ATP8A1: variants seen among roughly 807,000 people sequenced by gnomAD.
The protein encoded by ATP8A1 is phospholipid-transporting ATPase IA.
In ATP8A1, 90 loss-of-function variants were observed where a neutral mutation model predicts 177.7. The observed-to-expected ratio is 0.51, with a 90% CI of 0.43 to 0.60. The LOEUF (loss-of-function observed/expected upper bound fraction) is 0.60. Among genes scored for constraint, ATP8A1 ranks in the 20% least tolerant of loss-of-function variants. ATP8A1 has a pLI of 0.00. For synonymous variants in ATP8A1, 493 were observed against 485.9 expected, an observed-to-expected ratio of 1.01 and a Z score of -0.19; for missense variants, 1,072 against 1,392.8, an observed-to-expected ratio of 0.77 and a Z score of 3.67.
intron 25 of ATP8A1, among the ~76,000 whole-genome samples, chr4:42,465,356 C>T (rs946455987): frequency 3.9e-5 from 6 of 152,226 alleles, no homozygotes; most frequent in African/African-American, 1.4e-4. Context: ...AATGCCTTTA[C>T]TTCCTAACAA....
chr4:42,433,543 G>T (rs1366789045), intron 33 of ATP8A1, among the ~76,000 whole-genome samples: 5 of 152,100 alleles, frequency 3.3e-5, no homozygotes, highest in Non-Finnish European at 7.4e-5. Flanking sequence ...TAACTAAAGG[G>T]TGTTTCAGAT....
chr4:42,419,962 C>G (rs1437785032), intron 35 of ATP8A1, among the ~76,000 whole-genome samples: 1 of 151,674 alleles, frequency 6.6e-6, no homozygotes, highest in African/African-American at 2.4e-5. Context: ...GAGATTGTGC[C>G]ATTGCACTCC....
At chr4:42,654,460 TA>T (rs1262930283) in intron 1 of ATP8A1, among the ~76,000 whole-genome samples, 1 of 152,164 alleles carries the variant, frequency 6.6e-6, no homozygotes, top group East Asian at 1.9e-4. Flanking sequence ...ACTAGGGCTA[TA>T]AAATTCGGGA....
intron 4 of ATP8A1, among the ~76,000 whole-genome samples, chr4:42,617,758 A>C (rs17532602): frequency 0.23 from 34,392 of 152,162 alleles, 4,352 homozygotes; most frequent in Non-Finnish European, 0.29. Context: ...AGGCGATCTT[A>C]AACATCACTT....
intron 35 of ATP8A1, among the ~76,000 whole-genome samples, chr4:42,416,079 A>T (rs1047612623): frequency 5.9e-5 from 9 of 152,240 alleles, no homozygotes; most frequent in African/African-American, 2.2e-4. Context: ...CTGTCAGTGA[A>T]ATAAACAGAT....
At position 42,435,426 on chromosome 4, in the gene ATP8A1, CAA is replaced by C. The variant is rs55945370; in HGVS notation, c.3123+8137_3123+8138del. Reference sequence around the variant, plus strand: ...GGGGGACAAGAGCGAGACTTCATCTCAAAAAAAAAAAAAAAAAAAAAAACAAA... The same window carrying C: ...GGGGGACAAGAGCGAGACTTCATCTCAAAAAAAAAAAAAAAAAAAAACAAA... On this transcript the variant is annotated intron_variant, in intron 33 of 36. Transcript: ENST00000381668. 8.7e-3 allele frequency among the ~76,000 whole-genome samples: 813 copies of C among 93,760 alleles called. 1 individual carries two copies. Among genetic ancestry groups the C allele is most frequent in the Middle Eastern group, 0.039 (7 of 178 alleles). 61.5% of individuals were successfully genotyped at this position (93,760 alleles called of 152,430 possible). A position where few individuals can be genotyped will look rare whatever the true frequency, so the allele number is the denominator to read the frequency against.
intron 20 of ATP8A1, among the ~76,000 whole-genome samples, chr4:42,533,864 C>T (rs1727517927): frequency 6.6e-6 from 1 of 152,098 alleles, no homozygotes; most frequent in African/African-American, 2.4e-5. Context: ...GCAGACACTC[C>T]CCAGGACCAG....
At chr4:42,636,668 A>C (rs562510197) in intron 1 of ATP8A1, among the ~76,000 whole-genome samples, 5 of 152,086 alleles carry the variant, frequency 3.3e-5, no homozygotes, top group African/African-American at 4.8e-5. Context: ...GTTAATGCAG[A>C]CTCTGTGCAG....
intron 1 of ATP8A1, among the ~76,000 whole-genome samples, chr4:42,645,464 A>G (rs142212597): frequency 6.6e-6 from 1 of 152,318 alleles, no homozygotes; most frequent in Non-Finnish European, 1.5e-5. Context: ...AGTGTTTTCA[A>G]TACCACTGCA....
chr4:42,456,995 T>C (rs1276922764), intron 27 of ATP8A1, among the ~76,000 whole-genome samples: 1 of 152,214 alleles, frequency 6.6e-6, no homozygotes, highest in African/African-American at 2.4e-5. Flanking sequence ...AAAACTAATG[T>C]CTGCTTTATG....
At chr4:42,465,506 A>G (rs17447242) in intron 25 of ATP8A1, among the ~76,000 whole-genome samples, 80,580 of 152,062 alleles carry the variant, frequency 0.53, 21,933 homozygotes, top group East Asian at 0.81. Context: ...TGTACTATAC[A>G]CTTAAAACTC....
At chr4:42,457,538 G>A (rs1343609670) in intron 27 of ATP8A1, among the ~76,000 whole-genome samples, 2 of 152,208 alleles carry the variant, frequency 1.3e-5, no homozygotes, top group Admixed American at 6.5e-5. Context: ...GAAGAAAGCC[G>A]AAGCGCTCTG....
At chr4:42,483,631 C>G (rs975793184) in intron 25 of ATP8A1, among the ~76,000 whole-genome samples, 1 of 152,172 alleles carries the variant, frequency 6.6e-6, no homozygotes, top group Non-Finnish European at 1.5e-5. Flanking sequence ...GGGAATTTCA[C>G]AAGCACAGAA....
rs753580416 is a variant in ATP8A1 at position 42,581,640 on chromosome 4, T to C, written c.815A>G (p.His272Arg). ...TTTCACCTGCATCAGCTTGGTGTCA[T>C]GTCCAGTGTAGACAACTATTCCATG... The part of the protein sequence containing the change: ...WVHGIVVYTG[H>R]DTKLMQNSTS... The change falls in exon 10 of 37, where the codon CAT (histidine) becomes CGT (arginine). Residue 272 changes from histidine (H) to arginine (R), a missense_variant. Transcript: ENST00000381668. The C allele has an allele frequency of 1.1e-5, 18 of 1,614,002 alleles. 1 individual carries two copies. Among genetic ancestry groups the C allele is most frequent in the Non-Finnish European group, 1.5e-5 (18 of 1,179,848 alleles).
intron 14 of ATP8A1, among the ~76,000 whole-genome samples, 158 bp downstream of exon 14, chr4:42,574,461 C>T (rs1184150504): frequency 1.3e-5 from 2 of 152,006 alleles, no homozygotes; most frequent in East Asian, 1.9e-4. Flanking sequence ...ACTAGAAACG[C>T]GAAATATACA....
intron 21 of ATP8A1, among the ~76,000 whole-genome samples, chr4:42,522,565 T>C (rs902043597): frequency 4.6e-5 from 7 of 152,204 alleles, no homozygotes; most frequent in African/African-American, 1.7e-4. Flanking sequence ...AATCTGAATC[T>C]TATCAAGCAG....
intron 1 of ATP8A1, among the ~76,000 whole-genome samples, chr4:42,646,178 G>A (rs533188661): frequency 1.3e-5 from 2 of 152,314 alleles, no homozygotes; most frequent in African/African-American, 2.4e-5. Flanking sequence ...TAGGCCTGGC[G>A]TGGCATCAAA....
chr4:42,495,376 G>A (rs1723162061), intron 24 of ATP8A1, among the ~76,000 whole-genome samples: 1 of 152,136 alleles, frequency 6.6e-6, no homozygotes, highest in African/African-American at 2.4e-5. Context: ...TATTGATTCA[G>A]TGGAACACTG....
chr4:42,497,716 C>T (rs1344824897), intron 24 of ATP8A1, among the ~76,000 whole-genome samples: 1 of 152,180 alleles, frequency 6.6e-6, no homozygotes, highest in Non-Finnish European at 1.5e-5. Flanking sequence ...CAACCACGTA[C>T]TTTGGCTTGC....
Sources: gnomAD v4.1 joint callset for allele counts (sites outside exome capture counted in the v4.1 genomes callset) on GRCh38, gnomAD v4.1.1 for gene constraint, MANE v1.5 for transcripts, NCBI Gene and HGNC (gene_info 2026-07-23, HGNC 2026-07-21) for gene names.